CDH18: variants seen among roughly 807,000 people sequenced by gnomAD.
The protein encoded by CDH18 is cadherin 18.
In CDH18, 31 loss-of-function variants were observed where a neutral mutation model predicts 67.9. The ratio of observed to expected loss-of-function variants is 0.46; its 90% CI spans 0.34 to 0.62. The LOEUF (loss-of-function observed/expected upper bound fraction) is 0.62, where lower values mean the gene tolerates loss of function less well. Among genes scored for constraint, CDH18 ranks in the 20% least tolerant of loss-of-function variants. CDH18 has a pLI of 0.01. For missense variants in CDH18, 890 were observed against 975.5 expected, an observed-to-expected ratio of 0.91 and a Z score of 1.17; for synonymous variants, 362 against 347.2, an observed-to-expected ratio of 1.04 and a Z score of -0.48.
chr5:20,232,701 A>C lies in CDH18; in HGVS notation c.-518+22743T>G, dbSNP rs532061545. On this transcript the variant is annotated intron_variant, in intron 2 of 14. Transcript: ENST00000507958. ...TATATTTTATAGGCATGTGAAGACA[A>C]TTTTTAAGAAGAAAATATAGCCAAA... Among the ~76,000 whole-genome samples the C allele has an allele frequency of 3.3e-5, 5 of 152,234 alleles. No homozygotes were observed. In the South Asian group the frequency reaches 1.0e-3, roughly 32 times the overall value.
intron 1 of CDH18, among the ~76,000 whole-genome samples, chr5:20,498,673 T>A (rs1754057172): frequency 6.6e-6 from 1 of 152,108 alleles, no homozygotes; most frequent in Admixed American, 6.6e-5. Flanking sequence ...TCTCATGATT[T>A]AAATTTTAAA....
intron 3 of CDH18, among the ~76,000 whole-genome samples, chr5:19,818,660 G>A (rs938504551): frequency 3.9e-5 from 6 of 152,124 alleles, no homozygotes; most frequent in African/African-American, 1.2e-4. Context: ...GCTATATGGT[G>A]CAGCCTATTG....
intron 7 of CDH18, among the ~76,000 whole-genome samples, chr5:19,579,077 AATCT>A (rs1163626962): frequency 4.6e-5 from 7 of 151,980 alleles, no homozygotes; most frequent in Non-Finnish European, 7.4e-5. Flanking sequence ...TGATTTATTA[AATCT>A]ATCAACCTCC....
chr5:20,156,121 T>C (rs1394002926), intron 2 of CDH18, among the ~76,000 whole-genome samples: 5 of 152,128 alleles, frequency 3.3e-5, no homozygotes, highest in South Asian at 2.1e-4. Flanking sequence ...GGAACACTTA[T>C]TCATTGTGGG....
chr5:19,760,159 AC>A (rs1162565289), intron 3 of CDH18, among the ~76,000 whole-genome samples: 1 of 152,122 alleles, frequency 6.6e-6, no homozygotes, highest in East Asian at 1.9e-4. Flanking sequence ...GGCTCCTGCC[AC>A]CTTGGGATCA....
chr5:20,165,184 C>T (rs1300786264), intron 2 of CDH18, among the ~76,000 whole-genome samples: 3 of 151,938 alleles, frequency 2.0e-5, no homozygotes, highest in Non-Finnish European at 2.9e-5. Context: ...ATTATTTGTT[C>T]TGTGAAAATA....
intron 1 of CDH18, among the ~76,000 whole-genome samples, chr5:20,543,816 A>G (rs1389985499): frequency 1.3e-5 from 2 of 152,184 alleles, no homozygotes; most frequent in Non-Finnish European, 2.9e-5. Flanking sequence ...GTACACTTAA[A>G]TATTTGCCAT....
intron 1 of CDH18, among the ~76,000 whole-genome samples, chr5:20,490,399 C>G (rs1753519247): frequency 1.3e-5 from 2 of 152,042 alleles, no homozygotes; most frequent in South Asian, 2.1e-4. Flanking sequence ...TCTCCTGACT[C>G]TAATTACATG....
At chr5:19,700,150 C>T (rs963283126) in intron 5 of CDH18, among the ~76,000 whole-genome samples, 3 of 152,156 alleles carry the variant, frequency 2.0e-5, no homozygotes, top group African/African-American at 2.4e-5. Context: ...AATTAATTTG[C>T]TTCTGAGTGA....
chr5:20,340,839 C>G (rs1333616225), intron 1 of CDH18, among the ~76,000 whole-genome samples: 2 of 152,170 alleles, frequency 1.3e-5, no homozygotes, highest in African/African-American at 4.8e-5. Context: ...ACGTTTTCCT[C>G]AACCCATAAG....
At chr5:19,619,686 A>G (rs925180878) in intron 5 of CDH18, among the ~76,000 whole-genome samples, 9 of 152,176 alleles carry the variant, frequency 5.9e-5, no homozygotes, top group African/African-American at 2.2e-4. Flanking sequence ...CAAGTGGCTG[A>G]AAGTTTAAAT....
chr5:19,933,936 T>C (rs1793972253), intron 2 of CDH18, among the ~76,000 whole-genome samples: 1 of 151,392 alleles, frequency 6.6e-6, no homozygotes, highest in Admixed American at 6.6e-5. Flanking sequence ...TTTGGATCTA[T>C]CCCTTGAACT....
intron 3 of CDH18, among the ~76,000 whole-genome samples, chr5:19,764,581 C>T (rs1456907282): frequency 6.6e-6 from 1 of 150,812 alleles, no homozygotes; most frequent in African/African-American, 2.4e-5. Flanking sequence ...TCCCTTTATG[C>T]ATCTTTCATA....
intron 3 of CDH18, among the ~76,000 whole-genome samples, chr5:19,764,008 A>AT (rs1772726548): frequency 6.8e-6 from 1 of 147,450 alleles, no homozygotes; most frequent in Admixed American, 6.8e-5. Flanking sequence ...AAAAAAAAAA[A>AT]AAAAAAAAAA....
In CDH18 at chr5:20,305,082, C is replaced by A. The variant is rs1561955806; in HGVS notation, c.-579-49577G>T. The A allele has an allele frequency of 2.5e-6, 4 of 1,585,214 alleles. No individual in the cohort carries two copies. The African/African-American group carries it at 4.0e-5, about 16-fold the overall frequency. ...TGGGATTTGAAACTTTTTTATCAAC[C>A]AAGGCGGTAGGGCCATTTGCAGCAA... On this transcript the variant is annotated intron_variant, in intron 1 of 14. Coordinates refer to the CDH18 transcript ENST00000507958.
intron 2 of CDH18, among the ~76,000 whole-genome samples, chr5:20,083,887 A>C (rs893917207): frequency 6.6e-6 from 1 of 151,912 alleles, no homozygotes; most frequent in Non-Finnish European, 1.5e-5. Flanking sequence ...TGATTCAATT[A>C]CCTCCCACTG....
intron 3 of CDH18, among the ~76,000 whole-genome samples, chr5:19,813,082 T>C (rs566553246): frequency 2.6e-5 from 4 of 152,050 alleles, no homozygotes; most frequent in East Asian, 1.9e-4. Context: ...TAAGTGGGAA[T>C]TGAACAATGA....
chr5:20,178,713 T>C (rs1296674403), intron 2 of CDH18, among the ~76,000 whole-genome samples: 2 of 152,010 alleles, frequency 1.3e-5, no homozygotes, highest in Admixed American at 1.3e-4. Flanking sequence ...TACCTTCCCC[T>C]ACGTTGTAAT....
chr5:20,289,994 T>C (rs1746987681), intron 1 of CDH18, among the ~76,000 whole-genome samples: 2 of 152,134 alleles, frequency 1.3e-5, no homozygotes, highest in South Asian at 4.1e-4. Context: ...AAATCTGGAA[T>C]TTGAAAAATG....
Sources: allele counts gnomAD v4.1 joint callset (sites outside exome capture counted in the v4.1 genomes callset), GRCh38; gene constraint gnomAD v4.1.1; transcripts MANE v1.5; gene names NCBI Gene and HGNC (gene_info 2026-07-23, HGNC 2026-07-21).